PDZRN3: variants seen among roughly 807,000 people sequenced by gnomAD.
The protein encoded by PDZRN3 is E3 ubiquitin-protein ligase PDZRN3.
Under a neutral mutation model 85.7 loss-of-function variants are expected in PDZRN3, and 38 were observed. The observed-to-expected ratio is 0.44, with a 90% CI of 0.34 to 0.58. PDZRN3 has a LOEUF of 0.58. Among genes scored for constraint, PDZRN3 ranks in the 20% least tolerant of loss-of-function variants. PDZRN3 has a pLI of 0.01. For synonymous variants in PDZRN3, 759 were observed against 638.0 expected (o/e 1.19, Z -2.86); for missense variants, 1,629 against 1,506.4 (o/e 1.08, Z -1.35).
intron 3 of PDZRN3, among the ~76,000 whole-genome samples, chr3:73,563,229 G>A (rs866333310): frequency 6.7e-6 from 1 of 150,288 alleles, no homozygotes; most frequent in Non-Finnish European, 1.5e-5. Flanking sequence ...TAGAGATGGG[G>A]TTTCACCGTG....
At chr3:73,574,922 A>T (rs572305996) in intron 3 of PDZRN3, among the ~76,000 whole-genome samples, 1 of 152,350 alleles carries the variant, frequency 6.6e-6, no homozygotes, top group East Asian at 1.9e-4. Context: ...ATGCTGTCAA[A>T]TATAACCGAG....
At chr3:73,479,119 C>G (rs941028030) in intron 3 of PDZRN3, among the ~76,000 whole-genome samples, 2 of 152,132 alleles carry the variant, frequency 1.3e-5, no homozygotes, top group African/African-American at 4.8e-5. Context: ...TTCTCTGCTC[C>G]TTTGAGCTTA....
intron 3 of PDZRN3, among the ~76,000 whole-genome samples, chr3:73,516,213 A>G (rs189949698): frequency 1.4e-3 from 210 of 152,364 alleles, no homozygotes; most frequent in Non-Finnish European, 2.2e-3. Flanking sequence ...GTATACATAC[A>G]TATCTTGGCA....
intron 3 of PDZRN3, among the ~76,000 whole-genome samples, chr3:73,545,239 C>A (rs916120189): frequency 6.6e-6 from 1 of 152,134 alleles, no homozygotes; most frequent in Admixed American, 6.5e-5. Context: ...ATCTCCTGTG[C>A]CACCAGGGCC....
At position 73,400,969 on chromosome 3, in the gene PDZRN3, T is replaced by C. The variant is rs1403585451; in HGVS notation, c.1207A>G (p.Ile403Val). The change falls in exon 5 of 10, where the codon ATT becomes GTT. Residue 403 changes from isoleucine (I) to valine (V), a missense_variant. Physicochemically the swap from Ile to Val is conservative, Grantham distance 29 (BLOSUM62 3). Transcript: ENST00000263666. ...TCCATCTCCTGATGGATGTCTCCAA[T>C]GTAGTCATTTGGATCGTAGTATTCA... ...AHEYYDPNDY[I>V]GDIHQEMDRE... 2 of 1,613,632 alleles carry C rather than the reference T, an allele frequency of 1.2e-6. No homozygotes were observed. Among genetic ancestry groups the C allele is most frequent in the African/African-American group, 1.3e-5 (1 of 75,042 alleles).
intron 3 of PDZRN3, among the ~76,000 whole-genome samples, chr3:73,571,596 C>T (rs1702046846): frequency 1.4e-5 from 2 of 146,696 alleles, no homozygotes; most frequent in Admixed American, 6.7e-5. Context: ...TTTTCAAAGA[C>T]CAATGCCATT....
At position 73,582,050 on chromosome 3, in the gene PDZRN3, A is replaced by C. The variant is rs141505045; in HGVS notation, c.918+20304T>G. The stretch of plus-strand genomic sequence containing the variant: ...AGGAGGTTGAGGCTGCACTGAACCG[A>C]GATCACACCACTGCACTCCAGCCTG... On this transcript the variant is annotated intron_variant, in intron 3 of 9. Coordinates refer to ENST00000263666, the MANE Select transcript of PDZRN3 (RefSeq NM_015009.3). 2.3e-3 allele frequency among the ~76,000 whole-genome samples: 349 copies of C among 152,122 alleles called. 1 individual carries two copies. The highest frequency in any genetic ancestry group is 3.1e-3 in the Non-Finnish European group (208 of 67,992).
chr3:73,483,188 C>A (rs992569997), intron 3 of PDZRN3, among the ~76,000 whole-genome samples: 1 of 152,160 alleles, frequency 6.6e-6, no homozygotes, highest in African/African-American at 2.4e-5. Context: ...AGAATGTCAC[C>A]AAGAAAAATC....
At position 73,601,973 on chromosome 3, in the gene PDZRN3, T is replaced by G. The variant is rs537787149; in HGVS notation, c.918+381A>C. 9.1e-4 allele frequency among the ~76,000 whole-genome samples: 139 copies of G among 152,284 alleles called. 1 individual carries two copies. Among genetic ancestry groups the G allele is most frequent in the African/African-American group, 3.2e-3 (134 of 41,556 alleles). On this transcript the variant is annotated intron_variant, in intron 3 of 9. Coordinates refer to ENST00000263666, the MANE Select transcript of PDZRN3 (RefSeq NM_015009.3). ...GAGGACATTAGAATGACTCCAAAGC[T>G]GACACAATTGTACCCTGGTAATCAA...
intron 3 of PDZRN3, among the ~76,000 whole-genome samples, chr3:73,559,573 C>A (rs1473694995): frequency 6.6e-6 from 1 of 152,200 alleles, no homozygotes; most frequent in African/African-American, 2.4e-5. Context: ...GGCCTTGGAG[C>A]CTTCAGTTGA....
intron 3 of PDZRN3, among the ~76,000 whole-genome samples, chr3:73,564,929 T>A (rs1575740138): frequency 6.6e-6 from 1 of 152,166 alleles, no homozygotes; most frequent in African/African-American, 2.4e-5. Context: ...GTAGCTGCTC[T>A]CTTATGATTT....
chr3:73,622,635 G>C (rs1702885828), intron 1 of PDZRN3, among the ~76,000 whole-genome samples: 1 of 152,194 alleles, frequency 6.6e-6, no homozygotes, highest in Admixed American at 6.5e-5. Flanking sequence ...ACAATGCACA[G>C]CACAGTACCT....
chr3:73,548,973 C>A (rs1258608785), intron 3 of PDZRN3, among the ~76,000 whole-genome samples: 1 of 152,170 alleles, frequency 6.6e-6, no homozygotes, highest in East Asian at 1.9e-4. Flanking sequence ...CTGCCCCATG[C>A]AAGGCACAAA....
chr3:73,425,491 G>A (rs766117934), intron 3 of PDZRN3, among the ~76,000 whole-genome samples: 4 of 151,922 alleles, frequency 2.6e-5, no homozygotes, highest in Admixed American at 6.6e-5. Flanking sequence ...CTGCCCTAGC[G>A]GAATTTTTCT....
chr3:73,616,331 A>AG (rs11457887), intron 1 of PDZRN3, among the ~76,000 whole-genome samples: 152,016 of 152,328 alleles, frequency 1, 75,861 homozygotes, highest in Middle Eastern at 1. Flanking sequence ...GATAGAAAGC[A>AG]AGGCTACTCA....
At chr3:73,420,069 A>G (rs1425044341) in intron 3 of PDZRN3, among the ~76,000 whole-genome samples, 2 of 152,240 alleles carry the variant, frequency 1.3e-5, no homozygotes, top group Non-Finnish European at 2.9e-5. Flanking sequence ...CCTTAGAAAC[A>G]TGGCCCTCTC....
chr3:73,499,119 A>C (rs1015289920), intron 3 of PDZRN3, among the ~76,000 whole-genome samples: 7 of 152,154 alleles, frequency 4.6e-5, no homozygotes, highest in African/African-American at 1.7e-4. Context: ...TATGCTCCGT[A>C]ATCACTCTGC....
chr3:73,423,071 T>C (rs1702234999), intron 3 of PDZRN3, among the ~76,000 whole-genome samples: 1 of 152,208 alleles, frequency 6.6e-6, no homozygotes, highest in African/African-American at 2.4e-5. Flanking sequence ...AGTCATCCCC[T>C]AACTAGATAA....
intron 3 of PDZRN3, among the ~76,000 whole-genome samples, chr3:73,547,880 G>C (rs964095732): frequency 1.3e-5 from 2 of 152,180 alleles, no homozygotes; most frequent in East Asian, 3.8e-4. Context: ...AGAATGAAGC[G>C]GGGGAGGGTT....
Sources: allele counts gnomAD v4.1 joint callset (sites outside exome capture counted in the v4.1 genomes callset), GRCh38; gene constraint gnomAD v4.1.1; transcripts MANE v1.5; gene names NCBI Gene and HGNC (gene_info 2026-07-23, HGNC 2026-07-21).